IQCJ: variants seen among roughly 807,000 people sequenced by gnomAD.
IQCJ encodes the protein IQ domain-containing protein J.
A neutral mutation model predicts 11.0 loss-of-function variants in IQCJ; 9 were observed. That is an observed-to-expected ratio of 0.82 (90% CI 0.49 to 1.43). IQCJ has a LOEUF of 1.43. Among genes scored for constraint, IQCJ ranks in the 40% most tolerant of loss-of-function variants. IQCJ has a pLI of 0.00. For synonymous variants in IQCJ, 55 were observed against 51.3 expected, an observed-to-expected ratio of 1.07 and a Z score of -0.31; for missense variants, 146 against 133.2, an observed-to-expected ratio of 1.10 and a Z score of -0.47.
At chr3:159,228,156 A>G (rs997795348) in intron 1 of IQCJ, among the ~76,000 whole-genome samples, 2 of 152,176 alleles carry the variant, frequency 1.3e-5, no homozygotes, top group African/African-American at 2.4e-5. Flanking sequence ...TGGTTTTTAG[A>G]TAACAGTTGT....
At chr3:159,257,606 G>T (rs935145282) in intron 3 of IQCJ, among the ~76,000 whole-genome samples, 5 of 152,174 alleles carry the variant, frequency 3.3e-5, no homozygotes, top group Non-Finnish European at 5.9e-5. Context: ...GGCAGTTTCT[G>T]TGGGAAACCT....
chr3:159,093,589 G>A (rs1179962192), intron 1 of IQCJ, among the ~76,000 whole-genome samples: 1 of 151,756 alleles, frequency 6.6e-6, no homozygotes, highest in Non-Finnish European at 1.5e-5. Flanking sequence ...ATGATGAGGA[G>A]GTAGAGGCTG....
Position 159,142,497 on chromosome 3 carries a change from A to T in IQCJ, c.9+73056A>T, listed in dbSNP as rs944444303. ...AGTGGTGTGATCTTGGCTCACTGCAATGTCCACCTCCCAGGTTCAAGCGAT... is the reference window on the plus strand; with the variant it reads ...AGTGGTGTGATCTTGGCTCACTGCATTGTCCACCTCCCAGGTTCAAGCGAT... On this transcript the variant is annotated intron_variant, in intron 1 of 3. Transcript: ENST00000397832. Among the ~76,000 whole-genome samples the T allele has an allele frequency of 2.6e-5, 4 of 151,810 alleles. 1 individual carries two copies. The highest frequency in any genetic ancestry group is 1.5e-5 in the Non-Finnish European group (1 of 67,986).
At chr3:159,162,692 G>A (rs899402364) in intron 1 of IQCJ, among the ~76,000 whole-genome samples, 53 of 152,058 alleles carry the variant, frequency 3.5e-4, no homozygotes, top group African/African-American at 1.2e-3. Flanking sequence ...TAATATAGAA[G>A]AAAAGAGAGA....
intron 1 of IQCJ, among the ~76,000 whole-genome samples, chr3:159,071,130 G>C (rs1018777148): frequency 1.3e-5 from 2 of 151,736 alleles, no homozygotes; most frequent in Admixed American, 1.3e-4. Flanking sequence ...ACTTATAGAG[G>C]ATTATGTATA....
chr3:159,226,688 G>A (rs138879792), intron 1 of IQCJ, among the ~76,000 whole-genome samples: 7 of 152,332 alleles, frequency 4.6e-5, no homozygotes, highest in African/African-American at 1.7e-4. Flanking sequence ...CCAATTGGGT[G>A]AGGAAAGTAC....
intron 1 of IQCJ, among the ~76,000 whole-genome samples, chr3:159,231,076 A>G (rs1357806407): frequency 6.6e-6 from 1 of 152,236 alleles, no homozygotes; most frequent in African/African-American, 2.4e-5. Flanking sequence ...TGAAGCTGGC[A>G]CGCCCCAGTT....
intron 1 of IQCJ, among the ~76,000 whole-genome samples, chr3:159,084,129 T>A (rs1026769733): frequency 1.8e-4 from 28 of 152,054 alleles, no homozygotes; most frequent in African/African-American, 6.5e-4. Context: ...GGTTGTGATA[T>A]TATACTATAT....
In IQCJ at chr3:159,147,265, G is replaced by T. The variant is rs988462204; in HGVS notation, c.9+77824G>T. On this transcript the variant is annotated intron_variant, in intron 1 of 3. Coordinates refer to ENST00000397832, the MANE Select transcript of IQCJ (RefSeq NM_001042706.3). ...TTATTTATTTGTTCCTGGAATTCAGGCTGAGATTAAAATACGCATTCAGGC... is the reference window on the plus strand; with the variant it reads ...TTATTTATTTGTTCCTGGAATTCAGTCTGAGATTAAAATACGCATTCAGGC... 2.0e-5 allele frequency among the ~76,000 whole-genome samples: 3 copies of T among 152,186 alleles called. No individual in the cohort carries two copies. The South Asian group carries it at 6.2e-4, about 32-fold the overall frequency.
intron 1 of IQCJ, among the ~76,000 whole-genome samples, chr3:159,184,942 T>G (rs1236240118): frequency 1.6e-4 from 25 of 152,196 alleles, no homozygotes; most frequent in Admixed American, 1.6e-3. Context: ...AAAGAACCAC[T>G]AATTTTTGTA....
chr3:159,231,894 C>G (rs1726272343), intron 1 of IQCJ, among the ~76,000 whole-genome samples: 1 of 152,182 alleles, frequency 6.6e-6, no homozygotes, highest in Non-Finnish European at 1.5e-5. Context: ...TCCATTTCTT[C>G]TAGATTTTCT....
intron 1 of IQCJ, among the ~76,000 whole-genome samples, chr3:159,154,949 C>T (rs550938906): frequency 6.6e-6 from 1 of 151,990 alleles, no homozygotes; most frequent in Non-Finnish European, 1.5e-5. Context: ...ATTCTTTCTC[C>T]TTCACATTTG....
intron 1 of IQCJ, among the ~76,000 whole-genome samples, chr3:159,175,528 A>C (rs1321155004): frequency 6.6e-6 from 1 of 152,068 alleles, no homozygotes; most frequent in Non-Finnish European, 1.5e-5. Flanking sequence ...AGTTCCCCTC[A>C]TCCCTTTTCG....
intron 1 of IQCJ, among the ~76,000 whole-genome samples, chr3:159,089,700 A>G (rs1717092975): frequency 6.6e-6 from 1 of 151,576 alleles, no homozygotes. Context: ...CCTTTCTTCC[A>G]GTTGATCTCA....
intron 1 of IQCJ, among the ~76,000 whole-genome samples, chr3:159,245,504 C>T (rs1457957655): frequency 6.7e-6 from 1 of 148,526 alleles, no homozygotes; most frequent in East Asian, 2.0e-4. Flanking sequence ...CTCTGTCGCC[C>T]AGGCTGGAGT....
At chr3:159,179,330 C>A (rs1722960051) in intron 1 of IQCJ, among the ~76,000 whole-genome samples, 1 of 152,104 alleles carries the variant, frequency 6.6e-6, no homozygotes, top group Admixed American at 6.5e-5. Context: ...TTTTCATGGT[C>A]AGAGGTTCTC....
intron 1 of IQCJ, among the ~76,000 whole-genome samples, chr3:159,138,210 T>C (rs1720407693): frequency 6.6e-6 from 1 of 152,206 alleles, no homozygotes; most frequent in Admixed American, 6.5e-5. Context: ...CCTGACTCTT[T>C]CTGCTGACCA....
At chr3:159,143,270 C>T (rs1185668036) in intron 1 of IQCJ, among the ~76,000 whole-genome samples, 1 of 152,216 alleles carries the variant, frequency 6.6e-6, no homozygotes, top group Non-Finnish European at 1.5e-5. Context: ...GCCTAAATCA[C>T]ATCTTTATTA....
intron 1 of IQCJ, among the ~76,000 whole-genome samples, chr3:159,110,044 C>T: frequency 6.6e-6 from 1 of 152,118 alleles, no homozygotes. Context: ...TGTGTTTTTT[C>T]TCTCTGCCTT....
Sources: allele counts gnomAD v4.1 joint callset (sites outside exome capture counted in the v4.1 genomes callset), GRCh38; gene constraint gnomAD v4.1.1; transcripts MANE v1.5; gene names NCBI Gene and HGNC (gene_info 2026-07-23, HGNC 2026-07-21).